Variants in CYFIP2 observed in about 807,000 individuals in gnomAD.
The protein encoded by CYFIP2 is cytoplasmic FMR1-interacting protein 2.
Under a neutral mutation model 158.7 loss-of-function variants are expected in CYFIP2, and 29 were observed. That is an observed-to-expected ratio of 0.18 (90% CI 0.14 to 0.25). The LOEUF (loss-of-function observed/expected upper bound fraction) is 0.25. Among genes scored for constraint, CYFIP2 ranks in the 10% least tolerant of loss-of-function variants. The pLI, the probability that CYFIP2 is intolerant of heterozygous loss-of-function variation, is 1.00. For missense variants in CYFIP2, 852 were observed against 1,639.5 expected (o/e 0.52, Z 8.29); for synonymous variants, 585 against 617.6 (o/e 0.95, Z 0.78).
chr5:157,320,681 T>C lies in CYFIP2; in HGVS notation c.1550T>C (p.Ile517Thr). 1 of 1,613,962 alleles carries C rather than the reference T, an allele frequency of 6.2e-7. No homozygotes were observed. Among genetic ancestry groups the C allele is most frequent in the Non-Finnish European group, 8.5e-7 (1 of 1,179,862 alleles). ...ISVLQAIRKTICDWEGGREPP... is the reference protein window; with the variant it reads ...ISVLQAIRKTTCDWEGGREPP... ...GTCCTACAGGCAATTCGAAAGACCA[T>C]CTGTGACTGGGAGGGAGGGCGAGAG... Residue 517 changes from isoleucine (I) to threonine (T), a missense_variant, in exon 15 of 31, where the codon ATC becomes ACC. By Grantham distance (89) the Ile-to-Thr change is moderately conservative. This residue lies in a region of CYFIP2 where 167 missense variants were observed against 343.3 expected (regional missense o/e 0.49). Transcript: ENST00000620254.
At position 157,330,595 on chromosome 5, in the gene CYFIP2, C is replaced by T. The variant is rs913859927; in HGVS notation, c.2157-147C>T. ...GTGACTGAAAAGAAATTTGACGTAA[C>T]TTGTCTAGAGCAGAAAACAATTTTA... On this transcript the variant is annotated intron_variant, in intron 19 of 30. Transcript: ENST00000620254. The T allele has an allele frequency of 5.2e-6, 3 of 579,352 alleles. No individual in the cohort carries two copies. The Admixed American group carries it at 1.1e-4, about 20-fold the overall frequency. The allele number at this position is 579,352 out of a possible 1,614,324, so 35.9% of individuals were successfully genotyped here.
Position 157,309,609 on chromosome 5 carries a change from G to A in CYFIP2, c.901-134G>A, listed in dbSNP as rs151185381. The A allele has an allele frequency of 6.7e-3, 4,961 of 736,070 alleles. 28 individuals are homozygous for A. Among genetic ancestry groups the A allele is most frequent in the Non-Finnish European group, 9.0e-3 (3,973 of 441,970 alleles). 45.6% of individuals were successfully genotyped at this position (736,070 alleles called of 1,614,324 possible). A position where few individuals can be genotyped will look rare whatever the true frequency, so the allele number is the denominator to read the frequency against. On this transcript the variant is annotated intron_variant, in intron 9 of 30. Coordinates refer to ENST00000620254, the MANE Select transcript of CYFIP2 (RefSeq NM_001037333.3). Reference sequence around the variant, plus strand: ...TTTGGCTTCAGAGTCACATGGTAGCGTCATCGGAAGCAGAAACTAGGGGTC... The same window carrying A: ...TTTGGCTTCAGAGTCACATGGTAGCATCATCGGAAGCAGAAACTAGGGGTC...
rs1330158200 is a variant in CYFIP2, at chr5:157,341,027, T to C, written c.2586-43T>C. On this transcript the variant is annotated intron_variant, in intron 22 of 30. Transcript: ENST00000620254. ...TATCTGTGTCCCATGGAGAATAATA[T>C]TAGGACCATATTAACTCTTTCCCAT... 8.3e-6 allele frequency: 13 copies of C among 1,567,132 alleles called. No individual in the cohort carries two copies. In the East Asian group the frequency reaches 2.9e-4, roughly 35 times the overall value.
chr5:157,382,518 T>C (rs1029266709), intron 26 of CYFIP2, 72 bp from the exon 27 acceptor site: 29 of 1,544,424 alleles, frequency 1.9e-5, no homozygotes, highest in Non-Finnish European at 2.6e-5. Flanking sequence ...AGTGCTCAGG[T>C]TTTTAGGAAT....
chr5:157,278,913 A>G (rs1233585594), intron 1 of CYFIP2, among the ~76,000 whole-genome samples: 1 of 152,180 alleles, frequency 6.6e-6, no homozygotes, highest in Non-Finnish European at 1.5e-5. Flanking sequence ...TAATCCTTAC[A>G]AAAAAGTAAC....
At chr5:157,301,238 A>G (rs1220321649) in intron 6 of CYFIP2, among the ~76,000 whole-genome samples, 1 of 152,234 alleles carries the variant, frequency 6.6e-6, no homozygotes, top group Non-Finnish European at 1.5e-5. Context: ...CATTTTCTGC[A>G]AGAATCATAA....
intron 5 of CYFIP2, among the ~76,000 whole-genome samples, 168 bp downstream of exon 5, chr5:157,296,942 C>T (rs538483024): frequency 5.9e-5 from 9 of 152,322 alleles, no homozygotes; most frequent in East Asian, 3.9e-4. Flanking sequence ...TCCCCACCCT[C>T]GTGGAATTTT....
intron 23 of CYFIP2, among the ~76,000 whole-genome samples, chr5:157,351,487 T>C (rs1212333854): frequency 6.6e-6 from 1 of 152,192 alleles, no homozygotes; most frequent in Non-Finnish European, 1.5e-5. Flanking sequence ...TTGGGAACTT[T>C]TTCTGCATTT....
At chr5:157,343,087 G>T (rs1482304610) in intron 23 of CYFIP2, 1 of 1,614,168 alleles carries the variant, frequency 6.2e-7, no homozygotes, top group East Asian at 2.2e-5. Flanking sequence ...CCTCCATGTG[G>T]CCAGCCCTGT....
rs1581213968 is a variant in CYFIP2 at position 157,390,631 on chromosome 5, A to G, written c.3557A>G (p.Gln1186Arg). 1 of 1,583,054 alleles carries G rather than the reference A, an allele frequency of 6.3e-7. No homozygotes were observed. Among genetic ancestry groups the G allele is most frequent in the Non-Finnish European group, 8.6e-7 (1 of 1,164,340 alleles). Reference sequence around the variant, plus strand: ...TTCTGTTACCACCTGCTAAAAGTGCAGAGGCAGGACGGGAAGGATGAAATC... The same window carrying G: ...TTCTGTTACCACCTGCTAAAAGTGCGGAGGCAGGACGGGAAGGATGAAATC... ...FDFCYHLLKV[Q>R]RQDGKDEIIK... The change falls in exon 30 of 31, where the codon CAG becomes CGG. Residue 1186 changes from glutamine (Q) to arginine (R), a missense_variant. Around this residue, in one of 8 missense-constraint regions of CYFIP2, gnomAD observed 223 missense variants for 381.6 expected, o/e 0.58. Transcript: ENST00000620254.
intron 26 of CYFIP2, among the ~76,000 whole-genome samples, chr5:157,381,975 A>G (rs1453099677): frequency 6.6e-6 from 1 of 152,186 alleles, no homozygotes; most frequent in Non-Finnish European, 1.5e-5. Context: ...ATGAGACCCT[A>G]TCTCCCGTCT....
chr5:157,314,587 A>G lies in CYFIP2; in HGVS notation c.1230+124A>G. ...TTACAATTCACGTACCATACGATTTACCCATTTAAAGTATAAGTTCATTGG... is the reference window on the plus strand; with the variant it reads ...TTACAATTCACGTACCATACGATTTGCCCATTTAAAGTATAAGTTCATTGG... On this transcript the variant is annotated intron_variant, in intron 12 of 30. Transcript: ENST00000620254. 10 of 1,336,832 alleles carry G rather than the reference A, an allele frequency of 7.5e-6. No individual in the cohort carries two copies. In the South Asian group the frequency reaches 1.6e-4, roughly 21 times the overall value. The allele number at this position is 1,336,832 out of a possible 1,614,324, so 82.8% of individuals were successfully genotyped here. A position where few individuals can be genotyped will look rare whatever the true frequency, so the allele number is the denominator to read the frequency against.
intron 23 of CYFIP2, among the ~76,000 whole-genome samples, chr5:157,345,966 C>A (rs11738611): frequency 0.22 from 32,838 of 152,122 alleles, 3,868 homozygotes; most frequent in African/African-American, 0.29. Context: ...TGCAAAGATG[C>A]TTTTCTCAGT....
At chr5:157,269,986 G>A (rs1348772631) in intron 1 of CYFIP2, among the ~76,000 whole-genome samples, 1 of 152,232 alleles carries the variant, frequency 6.6e-6, no homozygotes, top group Non-Finnish European at 1.5e-5. Context: ...TGGCAACAGA[G>A]GGTGCAAATT....
chr5:157,364,149 G>A (rs1024030988), intron 26 of CYFIP2: 8 of 123,018 alleles, frequency 6.5e-5, no homozygotes, highest in African/African-American at 2.4e-4. Context: ...GGATAAATAG[G>A]AACAACTTCT....
Position 157,333,356 on chromosome 5 carries a change from A to G in CYFIP2, c.2295A>G (p.Arg765=). ...TGGGTAGATCAATTGACTTGAACAG[A>G]CTCATTACCCAGCGCATCTCTGCCG... ...QLLGRSIDLN[R]LITQRISAAM... is the part of the protein sequence containing the mutation. Residue 765 remains arginine, a synonymous_variant, in exon 21 of 31, where the codon AGA becomes AGG. Coordinates refer to ENST00000620254, the MANE Select transcript of CYFIP2 (RefSeq NM_001037333.3). 1 of 1,613,862 alleles carries G rather than the reference A, an allele frequency of 6.2e-7. No homozygotes were observed. Among genetic ancestry groups the G allele is most frequent in the Non-Finnish European group, 8.5e-7 (1 of 1,179,854 alleles).
At chr5:157,314,085 T>C (rs1759947985) in intron 11 of CYFIP2, among the ~76,000 whole-genome samples, 1 of 152,128 alleles carries the variant, frequency 6.6e-6, no homozygotes, top group East Asian at 1.9e-4. Context: ...AAAAACATAT[T>C]GGTGCATACA....
intron 26 of CYFIP2, among the ~76,000 whole-genome samples, chr5:157,362,101 G>A (rs912496410): frequency 2.0e-5 from 3 of 152,224 alleles, no homozygotes; most frequent in Non-Finnish European, 4.4e-5. Context: ...AAGTGGGTGG[G>A]GGCTTATAGT....
intron 26 of CYFIP2, among the ~76,000 whole-genome samples, chr5:157,379,668 C>CAAAAAAAAAAAAAAAAAAAAAAAAAA (rs70984468): frequency 2.7e-5 from 2 of 73,638 alleles, no homozygotes; most frequent in African/African-American, 1.0e-4. Context: ...GACCCTGTCT[C>CAAAAAAAAAAAAAAAAAAAAAAAAAA]AAAAAAAAAA....
Sources: allele counts gnomAD v4.1 joint callset (sites outside exome capture counted in the v4.1 genomes callset), GRCh38; gene constraint gnomAD v4.1.1; regional missense constraint gnomAD v4.1.1; transcripts MANE v1.5; gene names NCBI Gene and HGNC (gene_info 2026-07-23, HGNC 2026-07-21).